Variants in ARHGAP10 observed in about 807,000 individuals in gnomAD.
ARHGAP10 encodes the protein Rho GTPase activating protein 10.
Under a neutral mutation model 108.6 loss-of-function variants are expected in ARHGAP10, and 87 were observed. The ratio of observed to expected loss-of-function variants is 0.80; its 90% CI spans 0.67 to 0.96. The LOEUF (loss-of-function observed/expected upper bound fraction) is 0.96. ARHGAP10 is among the 40% of genes least tolerant of loss of function. The probability of loss-of-function intolerance (pLI) is 0.00; values close to 1 mark genes in which losing one functional copy is unlikely to be tolerated. For missense variants in ARHGAP10, 939 were observed against 954.5 expected, an observed-to-expected ratio of 0.98 and a Z score of 0.21; for synonymous variants, 347 against 341.1, an observed-to-expected ratio of 1.02 and a Z score of -0.19.
intron 18 of ARHGAP10, among the ~76,000 whole-genome samples, chr4:147,985,636 A>G (rs1740012930): frequency 6.6e-6 from 1 of 152,250 alleles, no homozygotes; most frequent in East Asian, 1.9e-4. Flanking sequence ...ATTTGATCCA[A>G]GACTAAATTG....
At chr4:147,791,644 G>A (rs772238284) in intron 1 of ARHGAP10, among the ~76,000 whole-genome samples, 1 of 151,990 alleles carries the variant, frequency 6.6e-6, no homozygotes, top group African/African-American at 2.4e-5. Context: ...GAGTACAGTG[G>A]TGCAATCTCA....
intron 10 of ARHGAP10, among the ~76,000 whole-genome samples, chr4:147,886,227 G>A (rs1055484752): frequency 1.8e-4 from 28 of 152,152 alleles, no homozygotes; most frequent in African/African-American, 3.9e-4. Context: ...ATACTCAACC[G>A]GTGCATTGCC....
At chr4:147,929,295 G>A (rs938756221) in intron 13 of ARHGAP10, among the ~76,000 whole-genome samples, 1 of 152,074 alleles carries the variant, frequency 6.6e-6, no homozygotes, top group African/African-American at 2.4e-5. Flanking sequence ...TTAGAATTAT[G>A]TAAATACCGT....
intron 12 of ARHGAP10, 146 bp downstream of exon 12, chr4:147,909,923 C>A: frequency 2.7e-6 from 2 of 734,608 alleles, no homozygotes; most frequent in Non-Finnish European, 4.5e-6. Context: ...TCCTCTATTG[C>A]ATGTGTTCTG....
At chr4:147,985,460 G>A (rs546395477) in intron 18 of ARHGAP10, among the ~76,000 whole-genome samples, 4 of 152,260 alleles carry the variant, frequency 2.6e-5, no homozygotes, top group South Asian at 2.1e-4. Context: ...CTGTCTGCAC[G>A]CCTCATTGCC....
At chr4:147,921,321 G>T (rs916037097) in intron 13 of ARHGAP10, among the ~76,000 whole-genome samples, 1 of 152,176 alleles carries the variant, frequency 6.6e-6, no homozygotes, top group East Asian at 1.9e-4. Flanking sequence ...GAGCACTAGG[G>T]GTGCTTCTTG....
chr4:148,043,614 A>AATATATATAT (rs57931206), intron 19 of ARHGAP10, among the ~76,000 whole-genome samples: 584 of 54,874 alleles, frequency 0.011, 17 homozygotes, highest in African/African-American at 0.017. Flanking sequence ...CCCTCTCTCT[A>AATATATATAT]ATATATATAT....
chr4:148,047,168 G>A lies in ARHGAP10; in HGVS notation c.2027+117G>A, dbSNP rs1728926452. 20 of 1,270,264 alleles carry A rather than the reference G, an allele frequency of 1.6e-5. No homozygotes were observed. The East Asian group carries it at 5.0e-4, about 32-fold the overall frequency. 78.7% of individuals were successfully genotyped at this position (1,270,264 alleles called of 1,614,324 possible). A position where few individuals can be genotyped will look rare whatever the true frequency, so the allele number is the denominator to read the frequency against. On this transcript the variant is annotated intron_variant, in intron 20 of 22. Transcript: ENST00000336498. ...GAAGCCATTAGATCTAGGAGCCCTT[G>A]TTTTCTTATCAGAAGGGCCACCAAA...
intron 10 of ARHGAP10, among the ~76,000 whole-genome samples, chr4:147,885,963 A>G (rs1448454614): frequency 9.9e-5 from 15 of 152,246 alleles, no homozygotes; most frequent in Non-Finnish European, 2.1e-4. Flanking sequence ...GCATAATGCC[A>G]CAAGTGGAGA....
intron 10 of ARHGAP10, among the ~76,000 whole-genome samples, chr4:147,884,105 T>A (rs1735445472): frequency 6.6e-6 from 1 of 152,248 alleles, no homozygotes; most frequent in African/African-American, 2.4e-5. Context: ...AGAGAATATG[T>A]TAAGTGAGGT....
intron 1 of ARHGAP10, among the ~76,000 whole-genome samples, chr4:147,783,779 AAC>A (rs899624164): frequency 6.4e-5 from 9 of 140,442 alleles, no homozygotes; most frequent in South Asian, 2.4e-4. Context: ...ATATTTATAT[AAC>A]ACACATTAAA....
chr4:147,916,237 C>T (rs578251566), intron 13 of ARHGAP10, among the ~76,000 whole-genome samples: 34 of 152,204 alleles, frequency 2.2e-4, no homozygotes, highest in East Asian at 7.7e-4. Context: ...TCATATGGTT[C>T]GGTTAAAGCC....
In ARHGAP10 at chr4:147,758,912, G is replaced by C. The variant is rs148498827; in HGVS notation, c.154+26457G>C. On this transcript the variant is annotated intron_variant, in intron 1 of 22. Transcript: ENST00000336498. ...GAGAATTCCTTGTTCCTGGGAGGAG[G>C]AGGTTGCGGTGAGCAGAGATCGTGC... Among the ~76,000 whole-genome samples the C allele has an allele frequency of 2.0e-3, 301 of 150,926 alleles. 1 individual carries two copies. The highest frequency in any genetic ancestry group is 0.014 in the Middle Eastern group (4 of 292).
At chr4:147,767,616 C>G (rs554203029) in intron 1 of ARHGAP10, among the ~76,000 whole-genome samples, 2 of 152,146 alleles carry the variant, frequency 1.3e-5, no homozygotes, top group South Asian at 4.2e-4. Context: ...ACTTGGGAGG[C>G]TGAGGTAGGA....
At chr4:147,874,394 C>T (rs890748899) in intron 7 of ARHGAP10, among the ~76,000 whole-genome samples, 12 of 152,122 alleles carry the variant, frequency 7.9e-5, no homozygotes, top group African/African-American at 2.7e-4. Flanking sequence ...CACCAAGTGT[C>T]CTGGGTTTCA....
rs564682808 is a variant in ARHGAP10 at position 148,023,501 on chromosome 4, A to G, written c.1867+88A>G. 75 of 1,336,416 alleles carry G rather than the reference A, an allele frequency of 5.6e-5. No homozygotes were observed. In the South Asian group the frequency reaches 1.5e-3, roughly 26 times the overall value. The allele number at this position is 1,336,416 out of a possible 1,614,324, so 82.8% of individuals were successfully genotyped here. A position where few individuals can be genotyped will look rare whatever the true frequency, so the allele number is the denominator to read the frequency against. ...TCAGGGCAGGCCACAGTTTTCTGTC[A>G]TCTGTGTTTTAATTTCTTCTTCCCT... On this transcript the variant is annotated intron_variant, in intron 19 of 22. Transcript: ENST00000336498.
chr4:148,054,051 A>G (rs1729258364), intron 20 of ARHGAP10, among the ~76,000 whole-genome samples: 1 of 152,198 alleles, frequency 6.6e-6, no homozygotes, highest in African/African-American at 2.4e-5. Context: ...TGCATCAGTC[A>G]TTTTTGGTTT....
In ARHGAP10 at chr4:147,736,719, G is replaced by C. The variant is rs1483909877; in HGVS notation, c.154+4264G>C. 3.9e-5 allele frequency among the ~76,000 whole-genome samples: 6 copies of C among 152,320 alleles called. No homozygotes were observed. In the East Asian group the frequency reaches 1.2e-3, roughly 29 times the overall value. On this transcript the variant is annotated intron_variant, in intron 1 of 22. Coordinates refer to ENST00000336498, the MANE Select transcript of ARHGAP10 (RefSeq NM_024605.4). ...TCTAACTCAGTGGTTCTCAATCGTA[G>C]CTGCTCAATAAAATCACCTGGGGGA... is the stretch of plus-strand genomic sequence containing the variant.
chr4:147,819,569 A>G lies in ARHGAP10; in HGVS notation c.155-3158A>G, dbSNP rs546308504. 3.2e-4 allele frequency among the ~76,000 whole-genome samples: 48 copies of G among 151,084 alleles called. 1 individual carries two copies. The highest frequency in any genetic ancestry group is 1.0e-3 in the African/African-American group (41 of 41,124). ...TTATTTTATTTTATTTTTTCTTGAG[A>G]TGGAGTCTCGCTCTGTCACCCAGGC... On this transcript the variant is annotated intron_variant, in intron 1 of 22. Transcript: ENST00000336498.
Sources: gnomAD v4.1 joint callset for allele counts (sites outside exome capture counted in the v4.1 genomes callset) on GRCh38, gnomAD v4.1.1 for gene constraint, MANE v1.5 for transcripts, NCBI Gene and HGNC (gene_info 2026-07-23, HGNC 2026-07-21) for gene names.